Variants in GRIP1 observed in about 807,000 individuals in gnomAD.
GRIP1 encodes glutamate receptor interacting protein 1.
Under a neutral mutation model 129.9 loss-of-function variants are expected in GRIP1, and 45 were observed. The observed-to-expected ratio is 0.35, with a 90% confidence interval of 0.27 to 0.44. GRIP1 has a LOEUF of 0.44. Among genes scored for constraint, GRIP1 ranks in the 20% least tolerant of loss-of-function variants. The pLI, the probability that GRIP1 is intolerant of heterozygous loss-of-function variation, is 1.00. For synonymous variants in GRIP1, 530 were observed against 520.8 expected, an observed-to-expected ratio of 1.02 and a Z score of -0.24; for missense variants, 1,196 against 1,396.8, an observed-to-expected ratio of 0.86 and a Z score of 2.29.
intron 1 of GRIP1, among the ~76,000 whole-genome samples, chr12:66,736,029 C>T (rs1020316998): frequency 6.6e-6 from 1 of 152,046 alleles, no homozygotes; most frequent in African/African-American, 2.4e-5. Flanking sequence ...AAACAGTTCA[C>T]CCTTAAACAA....
intron 1 of GRIP1, among the ~76,000 whole-genome samples, chr12:66,685,648 T>C (rs2034757153): frequency 6.6e-6 from 1 of 152,084 alleles, no homozygotes; most frequent in Non-Finnish European, 1.5e-5. Context: ...ACCCCAACCA[T>C]AAGGAGCAGT....
chr12:66,753,778 G>A (rs1370643374), intron 1 of GRIP1, among the ~76,000 whole-genome samples: 3 of 152,062 alleles, frequency 2.0e-5, no homozygotes, highest in Admixed American at 6.6e-5. Context: ...AATTCTTAAC[G>A]CCTATCCCAT....
intron 1 of GRIP1, among the ~76,000 whole-genome samples, chr12:66,983,581 C>T (rs1006531363): frequency 1.3e-5 from 2 of 151,954 alleles, no homozygotes; most frequent in Admixed American, 1.3e-4. Flanking sequence ...CTTGATAAAG[C>T]TTTTTTATTT....
intron 1 of GRIP1, among the ~76,000 whole-genome samples, chr12:67,022,701 C>T (rs538583795): frequency 3.0e-4 from 46 of 152,022 alleles, no homozygotes; most frequent in African/African-American, 1.1e-3. Flanking sequence ...TGTTGAGTAT[C>T]TTTTTTTTAT....
intron 14 of GRIP1, among the ~76,000 whole-genome samples, chr12:66,423,304 G>A (rs971316238): frequency 1.3e-5 from 2 of 152,202 alleles, no homozygotes; most frequent in Non-Finnish European, 1.5e-5. Context: ...AGGATTATGT[G>A]AGCTATTACA....
At chr12:66,737,026 C>T (rs974799) in intron 1 of GRIP1, among the ~76,000 whole-genome samples, 21,730 of 151,326 alleles carry the variant, frequency 0.14, 1,718 homozygotes, top group East Asian at 0.29. Flanking sequence ...AGCTGCGAAG[C>T]GGCAAAAAAT....
At chr12:66,463,884 G>A (rs2059207253) in intron 8 of GRIP1, among the ~76,000 whole-genome samples, 1 of 152,130 alleles carries the variant, frequency 6.6e-6, no homozygotes, top group Admixed American at 6.5e-5. Context: ...CTGTGGAATG[G>A]GAAAAAACAG....
chr12:66,854,685 T>A (rs528252617), intron 1 of GRIP1, among the ~76,000 whole-genome samples: 7 of 152,048 alleles, frequency 4.6e-5, no homozygotes, highest in Admixed American at 2.6e-4. Context: ...AAATGCTGCC[T>A]GGTATGCAAA....
intron 2 of GRIP1, among the ~76,000 whole-genome samples, chr12:66,572,638 A>C (rs2063001447): frequency 6.6e-6 from 1 of 152,194 alleles, no homozygotes; most frequent in Non-Finnish European, 1.5e-5. Flanking sequence ...GTGACAGGGT[A>C]ATCTCAGGTG....
chr12:67,018,891 C>G (rs555765750), intron 1 of GRIP1, among the ~76,000 whole-genome samples: 4 of 152,170 alleles, frequency 2.6e-5, no homozygotes, highest in South Asian at 2.1e-4. Context: ...TCCCTTCCCC[C>G]ACCCTCTTCC....
At chr12:66,508,210 C>G (rs1032515174) in intron 7 of GRIP1, among the ~76,000 whole-genome samples, 2 of 152,148 alleles carry the variant, frequency 1.3e-5, no homozygotes, top group Admixed American at 1.3e-4. Context: ...CATTGATGTT[C>G]TGCTACATTC....
chr12:66,784,339 T>G (rs1450824716), intron 1 of GRIP1, among the ~76,000 whole-genome samples: 3 of 152,218 alleles, frequency 2.0e-5, no homozygotes, highest in Non-Finnish European at 4.4e-5. Context: ...ATTGATTATC[T>G]ATTATTTGCA....
chr12:66,491,933 G>A (rs1444403943), intron 7 of GRIP1, among the ~76,000 whole-genome samples: 1 of 152,066 alleles, frequency 6.6e-6, no homozygotes, highest in Non-Finnish European at 1.5e-5. Context: ...AAAATAGTCG[G>A]GGCTGGATAA....
At chr12:66,709,010 A>C (rs2035627267) in intron 1 of GRIP1, among the ~76,000 whole-genome samples, 1 of 151,864 alleles carries the variant, frequency 6.6e-6, no homozygotes, top group South Asian at 2.1e-4. Flanking sequence ...GAGGAAATTA[A>C]TATAAAAGAA....
chr12:66,434,110 C>T (rs2058229621), intron 13 of GRIP1, among the ~76,000 whole-genome samples: 1 of 152,152 alleles, frequency 6.6e-6, no homozygotes, highest in Admixed American at 6.5e-5. Flanking sequence ...AGACCAGAAT[C>T]TGATTTTTCA....
At chr12:66,941,953 G>A (rs913077555) in intron 1 of GRIP1, among the ~76,000 whole-genome samples, 7 of 152,036 alleles carry the variant, frequency 4.6e-5, no homozygotes, top group Non-Finnish European at 1.0e-4. Context: ...TCTTAACCTA[G>A]GCCCTGTTGC....
At chr12:66,644,289 G>A (rs1182236248) in intron 1 of GRIP1, among the ~76,000 whole-genome samples, 2 of 152,102 alleles carry the variant, frequency 1.3e-5, no homozygotes, top group African/African-American at 4.8e-5. Context: ...TTACTCTGAT[G>A]ATCAGAAAAA....
At chr12:66,786,354 C>T (rs539537850) in intron 1 of GRIP1, among the ~76,000 whole-genome samples, 2 of 152,230 alleles carry the variant, frequency 1.3e-5, no homozygotes, top group South Asian at 2.1e-4. Context: ...TACCACAGAA[C>T]TTTGTTGGTG....
intron 3 of GRIP1, among the ~76,000 whole-genome samples, chr12:66,540,557 T>G (rs1368941747): frequency 6.6e-6 from 1 of 152,178 alleles, no homozygotes. Flanking sequence ...GAGGTGCTTG[T>G]GTCCACACCA....
Sources: allele counts gnomAD v4.1 joint callset (sites outside exome capture counted in the v4.1 genomes callset), GRCh38; gene constraint gnomAD v4.1.1; transcripts MANE v1.5; gene names NCBI Gene and HGNC (gene_info 2026-07-23, HGNC 2026-07-21).